Variants in CEP250 observed in about 807,000 individuals in gnomAD.
CEP250 encodes centrosome-associated protein CEP250.
A neutral mutation model predicts 315.7 loss-of-function variants in CEP250; 242 were observed. That is an observed-to-expected ratio of 0.77 (90% CI 0.69 to 0.85). The LOEUF (loss-of-function observed/expected upper bound fraction) is 0.85. CEP250 is among the 40% of genes least tolerant of loss of function. The probability of loss-of-function intolerance (pLI) is 0.00; values close to 1 mark genes in which losing one functional copy is unlikely to be tolerated. For missense variants in CEP250, 2,515 were observed against 2,886.4 expected (o/e 0.87, Z 2.95); for synonymous variants, 1,088 against 1,175.0 (o/e 0.93, Z 1.51).
At chr20:35,482,120 C>T (rs1319619171) in intron 20 of CEP250, among the ~76,000 whole-genome samples, 1 of 152,064 alleles carries the variant, frequency 6.6e-6, no homozygotes, top group African/African-American at 2.4e-5. Flanking sequence ...CTAAGTAAAA[C>T]ATTCAGATAT....
rs546441918 is a variant in CEP250, at chr20:35,508,982, C to T, written c.6946C>T (p.Arg2316Cys). Residue 2316 changes from arginine (R) to cysteine (C), a missense_variant, in exon 33 of 35, where the codon CGT (arginine) becomes TGT (cysteine). Physicochemically the swap from Arg to Cys is radical, Grantham distance 180 (BLOSUM62 -3). Coordinates refer to ENST00000397527, the MANE Select transcript of CEP250 (RefSeq NM_007186.6). ...ERRKLKREAM[R>C]AAQAGSLEIS... is the part of the protein sequence containing the mutation. ...GAGGAAGCTGAAGAGGGAGGCCATG[C>T]GTGCGGCCCAGGCAGGGTCCCTAGA... 1.8e-5 allele frequency: 28 copies of T among 1,557,936 alleles called. No individual in the cohort carries two copies. Among genetic ancestry groups the T allele is most frequent in the Admixed American group, 1.5e-4 (8 of 51,902 alleles).
At chr20:35,480,203 C>T in intron 20 of CEP250, 58 bp downstream of exon 20, 3 of 1,506,922 alleles carry the variant, frequency 2.0e-6, no homozygotes, top group Non-Finnish European at 1.8e-6. Context: ...TACCTGCTGC[C>T]TCTTGGTCCA....
intron 9 of CEP250, among the ~76,000 whole-genome samples, chr20:35,468,825 A>G (rs1484061466): frequency 2.0e-5 from 3 of 152,110 alleles, no homozygotes; most frequent in African/African-American, 7.2e-5. Flanking sequence ...ACAGGCACGC[A>G]CCACTATGCC....
intron 21 of CEP250, 75 bp from the exon 22 acceptor site, chr20:35,491,137 G>C: frequency 6.5e-7 from 1 of 1,546,476 alleles, no homozygotes; most frequent in Non-Finnish European, 8.8e-7. Flanking sequence ...AGGGCAGCTG[G>C]GATGTGCTTG....
chr20:35,490,916 G>C (rs2063670303), intron 21 of CEP250, 112 bp downstream of exon 21: 7 of 1,289,034 alleles, frequency 5.4e-6, no homozygotes, highest in Non-Finnish European at 6.4e-6. Context: ...CAGAAGAGAG[G>C]GTAGCTACCC....
chr20:35,489,187 C>CA lies in CEP250; in HGVS notation c.2587-1435dup, dbSNP rs56824051. On this transcript the variant is annotated intron_variant, in intron 20 of 34. Coordinates refer to ENST00000397527, the MANE Select transcript of CEP250 (RefSeq NM_007186.6). ...TGGGCGATAGAGTGAGACTCTGTCT[C>CA]AAAAAAAAAAAAAAAGTGCTTAGTG... Among the ~76,000 whole-genome samples, 859 of 124,740 alleles carry CA rather than the reference C, an allele frequency of 6.9e-3. 12 individuals are homozygous for CA. The highest frequency in any genetic ancestry group is 0.014 in the Admixed American group (171 of 12,298). 81.8% of individuals were successfully genotyped at this position (124,740 alleles called of 152,430 possible).
chr20:35,468,865 C>T (rs944615966), intron 9 of CEP250, among the ~76,000 whole-genome samples: 6 of 151,928 alleles, frequency 3.9e-5, no homozygotes, highest in African/African-American at 7.3e-5. Context: ...TTTGTAGAGA[C>T]GGGGTCTCAC....
chr20:35,508,153 A>C lies in CEP250; in HGVS notation c.6869A>C (p.Gln2290Pro), dbSNP rs745837229. The change falls in exon 32 of 35, where the codon CAG (glutamine) becomes CCG (proline). Residue 2290 changes from glutamine to proline, a missense_variant. Physicochemically the swap from Gln to Pro is moderately conservative, Grantham distance 76. Transcript: ENST00000397527. ...CTGGAGATTGACAGGAGCAGGCTGC[A>C]GCGCCACAATGTCCAGCTGCGGAGT... is the stretch of plus-strand genomic sequence containing the variant. ...ARLEIDRSRL[Q>P]RHNVQLRSTL... 37 of 1,614,116 alleles carry C rather than the reference A, an allele frequency of 2.3e-5. No homozygotes were observed. The East Asian group carries it at 8.2e-4, about 36-fold the overall frequency.
At chr20:35,482,950 G>A (rs1287788263) in intron 20 of CEP250, among the ~76,000 whole-genome samples, 6 of 152,150 alleles carry the variant, frequency 3.9e-5, no homozygotes, top group Admixed American at 6.5e-5. Context: ...TATCAATTCT[G>A]GAAAATTCTT....
chr20:35,503,275 C>T lies in CEP250; in HGVS notation c.4906C>T (p.Arg1636Ter), dbSNP rs766902414. The T allele has an allele frequency of 1.9e-6, 3 of 1,614,082 alleles. No homozygotes were observed. Among genetic ancestry groups the T allele is most frequent in the Non-Finnish European group, 2.5e-6 (3 of 1,180,014 alleles). ...GAGGGACCAGGAGGTGAAGTCTCAG[C>T]GAGAACAGATCGAGGAGCTGCAGAG... ...QERDQEVKSQ[R>*]EQIEELQRQK... is the part of the protein sequence containing the mutation. The change falls in exon 30 of 35, where the codon CGA (arginine) becomes TGA (stop). Residue 1636 changes from arginine (R) to a stop codon, truncating the protein, a stop_gained. Transcript: ENST00000397527. LOFTEE classifies it high-confidence loss of function. This position sits in a 1 kb window ranked among gnomAD's most constrained non-coding sequence, Gnocchi z 4.2.
In CEP250 at chr20:35,473,466, A is replaced by G. The variant is rs761966498; in HGVS notation, c.1302A>G (p.Arg434=). 10 of 1,614,180 alleles carry G rather than the reference A, an allele frequency of 6.2e-6. No homozygotes were observed. Among genetic ancestry groups the G allele is most frequent in the Non-Finnish European group, 7.6e-6 (9 of 1,180,038 alleles). ...GGGAGGAAGAGGGCAAAGCCTTGAG[A>G]CAGCGGCTGCAGAAGCTCACTGGGG... ...DQWEEEGKAL[R]QRLQKLTGER... Residue 434 remains arginine (R), a synonymous_variant, in exon 13 of 35, where the codon AGA becomes AGG. Coordinates refer to ENST00000397527, the MANE Select transcript of CEP250 (RefSeq NM_007186.6).
In CEP250 at chr20:35,472,723, C is replaced by G. The variant is rs1268454812; in HGVS notation, c.1101C>G (p.Asn367Lys). 6.2e-6 allele frequency: 10 copies of G among 1,613,984 alleles called. No homozygotes were observed. Among genetic ancestry groups the G allele is most frequent in the African/African-American group, 1.3e-5 (1 of 74,892 alleles). ...TAGCCCAAGGCTCTGGTCATGAGAA[C>G]TCTTTGGAATTGGACTCTAGTATCT... ...DNIAQGSGHE[N>K]SLELDSSIFS... Residue 367 changes from asparagine to lysine, a missense_variant, in exon 12 of 35, where the codon AAC becomes AAG. Transcript: ENST00000397527.
intron 5 of CEP250, among the ~76,000 whole-genome samples, chr20:35,464,376 A>G (rs1046868018): frequency 1.3e-5 from 2 of 152,114 alleles, no homozygotes; most frequent in Admixed American, 6.5e-5. Context: ...TGGTGCAGTC[A>G]TGAGTCACTG....
intron 5 of CEP250, among the ~76,000 whole-genome samples, chr20:35,463,851 G>C (rs557298005): frequency 1.3e-5 from 2 of 152,316 alleles, no homozygotes; most frequent in Admixed American, 1.3e-4. Context: ...ATGTAAATTA[G>C]ATTGGAAGGA....
In CEP250 at chr20:35,473,984, C is replaced by T. The variant is rs2146801123; in HGVS notation, c.1503C>T (p.Asp501=). ...ATGTGGAGCTTCAGCTGCAGGGGGACTCTGCCCAGGGCCAGAAGGAGGAAC... is the reference window on the plus strand; with the variant it reads ...ATGTGGAGCTTCAGCTGCAGGGGGATTCTGCCCAGGGCCAGAAGGAGGAAC... ...RVNVELQLQG[D]SAQGQKEEQQ... is the part of the protein sequence containing the mutation. The change falls in exon 14 of 35, where the codon GAC becomes GAT. Residue 501 remains aspartate, a synonymous_variant. Transcript: ENST00000397527. 1 of 1,608,342 alleles carries T rather than the reference C, an allele frequency of 6.2e-7. No homozygotes were observed. The highest frequency in any genetic ancestry group is 8.5e-7 in the Non-Finnish European group (1 of 1,178,222).
intron 29 of CEP250, among the ~76,000 whole-genome samples, chr20:35,502,183 C>T (rs2064025392): frequency 6.6e-6 from 1 of 152,216 alleles, no homozygotes; most frequent in Non-Finnish European, 1.5e-5. Context: ...TCCTGAAGGA[C>T]CAGCGTCTCC....
intron 4 of CEP250, among the ~76,000 whole-genome samples, chr20:35,463,091 A>G (rs1366389793): frequency 6.6e-6 from 1 of 152,198 alleles, no homozygotes. Flanking sequence ...TCTCGCTCAT[A>G]TAGAAAGTAT....
chr20:35,461,373 G>A (rs1162655807), intron 3 of CEP250, among the ~76,000 whole-genome samples: 1 of 147,832 alleles, frequency 6.8e-6, no homozygotes, highest in Non-Finnish European at 1.5e-5. Context: ...ATTGGAGGCA[G>A]AGCTTGGACT....
In CEP250 at chr20:35,498,616, T is replaced by C; in HGVS notation, c.3677T>C (p.Leu1226Pro). Residue 1226 changes from leucine to proline, a missense_variant, in exon 27 of 35, where the codon CTC becomes CCC. By Grantham distance (98) the Leu-to-Pro change is moderately conservative (BLOSUM62 -3). Coordinates refer to ENST00000397527, the MANE Select transcript of CEP250 (RefSeq NM_007186.6). Reference sequence around the variant, plus strand: ...TCAGACCAGAATGGAGCTAGGAGCCTCTTTAAGAGAGGGCCCCTGCTGACT... The same window carrying C: ...TCAGACCAGAATGGAGCTAGGAGCCCCTTTAAGAGAGGGCCCCTGCTGACT... ...LEPDQNGARS[L>P]FKRGPLLTAL... The C allele has an allele frequency of 6.2e-7, 1 of 1,602,576 alleles. No individual in the cohort carries two copies. Among genetic ancestry groups the C allele is most frequent in the Middle Eastern group, 1.7e-4 (1 of 5,974 alleles).
Sources: gnomAD v4.1 joint callset for allele counts (sites outside exome capture counted in the v4.1 genomes callset) on GRCh38, gnomAD v4.1.1 for gene constraint, Gnocchi (gnomAD v3.1) non-coding constraint, MANE v1.5 for transcripts, NCBI Gene and HGNC (gene_info 2026-07-23, HGNC 2026-07-21) for gene names.